Variants in TBCK observed in about 807,000 individuals in gnomAD.
TBCK encodes TBC1 domain containing kinase.
In TBCK, 99 loss-of-function variants were observed where a neutral mutation model predicts 113.4. That is an observed-to-expected ratio of 0.87 (90% CI 0.74 to 1.03). The LOEUF is 1.03. Among genes scored for constraint, TBCK ranks in the 50% least tolerant of loss-of-function variants. TBCK has a pLI of 0.00. For synonymous variants in TBCK, 369 were observed against 370.8 expected (o/e 1.00, Z 0.05); for missense variants, 1,045 against 1,061.3 (o/e 0.98, Z 0.21).
At chr4:106,214,212 A>T (rs1470231594) in intron 19 of TBCK, among the ~76,000 whole-genome samples, 3 of 152,180 alleles carry the variant, frequency 2.0e-5, no homozygotes, top group Non-Finnish European at 2.9e-5. Context: ...CCAAAAACCC[A>T]TCTGTACATC....
intron 12 of TBCK, chr4:106,237,421 A>C (rs1295046722): frequency 2.2e-6 from 1 of 444,604 alleles, no homozygotes; most frequent in Non-Finnish European, 4.5e-6. Flanking sequence ...AATCATAAGC[A>C]GGAAGGCAGT....
rs548966660 is a variant in TBCK, at chr4:106,101,267, C to T, written c.2412-5626G>A. Among the ~76,000 whole-genome samples the T allele has an allele frequency of 4.6e-5, 7 of 152,236 alleles. 1 individual carries two copies. In the East Asian group the frequency reaches 1.4e-3, roughly 29 times the overall value. ...TCGGAGCTCTTTAACAGCTAATACA[C>T]CTTTCATAACTAGCAATCCAGACAT... On this transcript the variant is annotated intron_variant, in intron 24 of 25. Transcript: ENST00000394708.
intron 22 of TBCK, among the ~76,000 whole-genome samples, chr4:106,177,054 C>T (rs925142129): frequency 6.6e-6 from 1 of 151,444 alleles, no homozygotes; most frequent in Non-Finnish European, 1.5e-5. Context: ...CTACGACAAG[C>T]CTGAAACTTC....
At chr4:106,072,867 C>T (rs1393929610) in intron 25 of TBCK, among the ~76,000 whole-genome samples, 1 of 152,164 alleles carries the variant, frequency 6.6e-6, no homozygotes, top group Non-Finnish European at 1.5e-5. Flanking sequence ...CACTGATACG[C>T]TTCTTTCCAC....
At chr4:106,215,350 A>T (rs1476803935) in intron 19 of TBCK, among the ~76,000 whole-genome samples, 1 of 152,160 alleles carries the variant, frequency 6.6e-6, no homozygotes, top group Non-Finnish European at 1.5e-5. Context: ...GACAGGATCA[A>T]ATTCACACAT....
intron 5 of TBCK, among the ~76,000 whole-genome samples, 191 bp downstream of exon 5, chr4:106,260,246 A>G (rs1190570981): frequency 2.0e-5 from 3 of 151,954 alleles, no homozygotes; most frequent in Non-Finnish European, 4.4e-5. Context: ...AATGATGAAC[A>G]TCAACGAGGA....
At chr4:106,221,655 T>C (rs1365914663) in intron 19 of TBCK, among the ~76,000 whole-genome samples, 1 of 151,670 alleles carries the variant, frequency 6.6e-6, no homozygotes, top group African/African-American at 2.4e-5. Flanking sequence ...AATCAAAGAA[T>C]TCAAGAGTAG....
intron 25 of TBCK, among the ~76,000 whole-genome samples, chr4:106,080,216 C>G (rs1416591301): frequency 6.6e-6 from 1 of 151,224 alleles, no homozygotes; most frequent in Non-Finnish European, 1.5e-5. Context: ...AAAAAAAGTC[C>G]AAATCATCAA....
intron 23 of TBCK, among the ~76,000 whole-genome samples, chr4:106,168,854 T>A (rs1750682255): frequency 6.6e-6 from 1 of 151,212 alleles, no homozygotes; most frequent in Admixed American, 6.6e-5. Context: ...AATGAAAAAA[T>A]ATTCCATTTC....
intron 2 of TBCK, among the ~76,000 whole-genome samples, chr4:106,301,908 T>C (rs1441793666): frequency 1.3e-5 from 2 of 152,174 alleles, no homozygotes; most frequent in East Asian, 3.8e-4. Flanking sequence ...AAATATGTGT[T>C]CATATTGAGA....
intron 11 of TBCK, among the ~76,000 whole-genome samples, chr4:106,243,008 C>T (rs1173415215): frequency 3.3e-5 from 5 of 151,800 alleles, no homozygotes; most frequent in Non-Finnish European, 5.9e-5. Flanking sequence ...TGATGATTTC[C>T]AATTTCATCC....
intron 22 of TBCK, 67 bp from the exon 23 acceptor site, chr4:106,171,337 C>A: frequency 1.7e-6 from 2 of 1,204,710 alleles, no homozygotes; most frequent in South Asian, 1.4e-5. Flanking sequence ...GTAATAAACA[C>A]CATCTCTCCT....
At chr4:106,099,883 T>C (rs556543688) in intron 24 of TBCK, among the ~76,000 whole-genome samples, 1 of 152,332 alleles carries the variant, frequency 6.6e-6, no homozygotes, top group Non-Finnish European at 1.5e-5. Context: ...TTCTGATTAT[T>C]GTATCCTTTC....
intron 3 of TBCK, among the ~76,000 whole-genome samples, chr4:106,281,978 G>T (rs575281738): frequency 1.3e-5 from 2 of 152,084 alleles, no homozygotes; most frequent in South Asian, 4.2e-4. Flanking sequence ...GAGTACAATT[G>T]GCACTAACTT....
At chr4:106,192,641 C>T (rs1197176442) in intron 22 of TBCK, among the ~76,000 whole-genome samples, 1 of 151,778 alleles carries the variant, frequency 6.6e-6, no homozygotes, top group Non-Finnish European at 1.5e-5. Flanking sequence ...TATTTTCCCA[C>T]AAATGATAAA....
intron 11 of TBCK, among the ~76,000 whole-genome samples, 195 bp from the exon 12 acceptor site, chr4:106,242,764 C>A (rs1229507498): frequency 6.6e-6 from 1 of 151,548 alleles, no homozygotes; most frequent in African/African-American, 2.4e-5. Flanking sequence ...GCACAATGTG[C>A]AGGTTAGTTA....
intron 3 of TBCK, among the ~76,000 whole-genome samples, chr4:106,284,790 A>G (rs1764953565): frequency 6.6e-6 from 1 of 152,140 alleles, no homozygotes; most frequent in Non-Finnish European, 1.5e-5. Context: ...CAATTTCCTC[A>G]TGCCTGCTTT....
chr4:106,171,005 C>T, intron 23 of TBCK, 90 bp downstream of exon 23: 1 of 950,246 alleles, frequency 1.1e-6, no homozygotes. Context: ...ACATAAATGA[C>T]ACCATTAAGA....
intron 3 of TBCK, among the ~76,000 whole-genome samples, chr4:106,290,201 G>A (rs1182063198): frequency 1.3e-5 from 2 of 152,038 alleles, no homozygotes; most frequent in African/African-American, 2.4e-5. Flanking sequence ...ATTTAGAGAT[G>A]GAGTTTCACT....
Sources: allele counts gnomAD v4.1 joint callset (sites outside exome capture counted in the v4.1 genomes callset), GRCh38; gene constraint gnomAD v4.1.1; transcripts MANE v1.5; gene names NCBI Gene and HGNC (gene_info 2026-07-23, HGNC 2026-07-21).